Variants in PRKX observed in about 807,000 individuals in gnomAD.
The protein encoded by PRKX is protein kinase cAMP-dependent X-linked catalytic subunit, also known as cAMP-dependent protein kinase catalytic subunit PRKX.
Under a neutral mutation model 22.0 loss-of-function variants are expected in PRKX, and 12 were observed. That is an observed-to-expected ratio of 0.54 (90% CI 0.35 to 0.88). PRKX has a LOEUF of 0.88. Ranked by LOEUF, PRKX falls within the 40% of genes least tolerant of loss-of-function variation. The pLI is 0.01. For synonymous variants in PRKX, 134 were observed against 137.7 expected (o/e 0.97, Z 0.19); for missense variants, 217 against 308.0 (o/e 0.70, Z 2.21).
At chrX:3,634,740 G>C (rs1926852635) in intron 4 of PRKX, among the ~76,000 whole-genome samples, 1 of 111,715 alleles carries the variant, frequency 9.0e-6, no homozygotes, top group African/African-American at 3.3e-5. Flanking sequence ...ACCCAGGCTG[G>C]AGTGTAGTGA....
At chrX:3,628,308 G>A (rs1382052397) in intron 4 of PRKX, among the ~76,000 whole-genome samples, 2 of 110,956 alleles carry the variant, frequency 1.8e-5, no homozygotes, top group Non-Finnish European at 3.8e-5. Context: ...AAGCAGATAG[G>A]AGGAATATGT....
chrX:3,666,911 T>TAAA (rs35951668), intron 2 of PRKX, among the ~76,000 whole-genome samples: 23,180 of 65,026 alleles, frequency 0.36, 4,376 homozygotes, highest in Admixed American at 0.51. Flanking sequence ...TCATTTCTTT[T>TAAA]AAAAAAAAAA....
At chrX:3,680,130 C>CTGTTGTTGTTGT (rs34465309) in intron 1 of PRKX, among the ~76,000 whole-genome samples, 1,308 of 107,913 alleles carry the variant, frequency 0.012, 26 homozygotes, top group African/African-American at 0.043. Flanking sequence ...ACATCCTGGC[C>CTGTTGTTGTTGT]TGTTGTTGTT....
chrX:3,710,129 G>A (rs1016016741), intron 1 of PRKX, among the ~76,000 whole-genome samples: 1 of 110,399 alleles, frequency 9.1e-6, no homozygotes, highest in Admixed American at 9.8e-5. Flanking sequence ...CTCCATCATA[G>A]GAACAAGCAT....
intron 3 of PRKX, among the ~76,000 whole-genome samples, chrX:3,652,965 T>C (rs1163484533): frequency 9.0e-6 from 1 of 111,176 alleles, no homozygotes; most frequent in Non-Finnish European, 1.9e-5. Context: ...ATCTCAGACC[T>C]TAGCCTCCAT....
chrX:3,638,760 T>C (rs1926951728), intron 4 of PRKX, among the ~76,000 whole-genome samples: 1 of 109,531 alleles, frequency 9.1e-6, no homozygotes, highest in Non-Finnish European at 1.9e-5. Flanking sequence ...TACATAGATA[T>C]ATAGAAAAGC....
intron 3 of PRKX, among the ~76,000 whole-genome samples, chrX:3,649,801 AGAGGAAAG>A (rs1183368901): frequency 2.7e-5 from 1 of 37,259 alleles, no homozygotes; most frequent in African/African-American, 1.2e-4. Context: ...GAGGGGAGGG[AGAGGAAAG>A]GAGGGAGGGA....
chrX:3,679,816 C>T (rs1049519914), intron 1 of PRKX, among the ~76,000 whole-genome samples: 6 of 112,028 alleles, frequency 5.4e-5, no homozygotes, highest in African/African-American at 6.5e-5. Flanking sequence ...AAGGTGGGCA[C>T]GCCCTTTTTA....
intron 2 of PRKX, among the ~76,000 whole-genome samples, chrX:3,670,678 A>T (rs769359461): frequency 1.8e-5 from 2 of 110,085 alleles, no homozygotes; most frequent in Admixed American, 9.7e-5. Flanking sequence ...CCTGAGTAGC[A>T]GGGACTACAG....
chrX:3,705,845 A>G (rs778473683), intron 1 of PRKX, among the ~76,000 whole-genome samples: 1 of 103,458 alleles, frequency 9.7e-6, no homozygotes, highest in African/African-American at 3.6e-5. Flanking sequence ...CCGCCACCAC[A>G]CCCGGCTAAT....
chrX:3,639,758 G>T (rs1360335271), intron 4 of PRKX, among the ~76,000 whole-genome samples: 9 of 111,022 alleles, frequency 8.1e-5, no homozygotes, highest in African/African-American at 3.0e-4. Flanking sequence ...GGTAGTGCTT[G>T]TTCAACATCG....
intron 1 of PRKX, among the ~76,000 whole-genome samples, chrX:3,688,844 G>A (rs1203667315): frequency 9.3e-6 from 1 of 107,386 alleles, no homozygotes; most frequent in East Asian, 2.9e-4. Context: ...ATTCCAGCCT[G>A]GGCAAAAGAG....
At chrX:3,651,392 G>C (rs1603474054) in intron 3 of PRKX, among the ~76,000 whole-genome samples, 1 of 111,997 alleles carries the variant, frequency 8.9e-6, no homozygotes, top group African/African-American at 3.2e-5. Context: ...CTTTGAATTA[G>C]ACTTGCAAAT....
intron 7 of PRKX, among the ~76,000 whole-genome samples, chrX:3,613,406 AG>A (rs1926347306): frequency 9.1e-6 from 1 of 110,278 alleles, no homozygotes; most frequent in Admixed American, 9.9e-5. Context: ...GGTGGCTTGG[AG>A]GGGGTAAGAG....
chrX:3,679,827 T>C (rs1380793031), intron 1 of PRKX, among the ~76,000 whole-genome samples: 2 of 112,222 alleles, frequency 1.8e-5, no homozygotes, highest in East Asian at 5.6e-4. Flanking sequence ...GCCCTTTTTA[T>C]AGCAGGTGCA....
At chrX:3,704,950 C>T (rs1490083503) in intron 1 of PRKX, among the ~76,000 whole-genome samples, 2 of 111,472 alleles carry the variant, frequency 1.8e-5, no homozygotes, top group Admixed American at 1.9e-4. Context: ...ACTATATTTG[C>T]GGTCCTTCAT....
chrX:3,687,755 A>C (rs746473941), intron 1 of PRKX, among the ~76,000 whole-genome samples: 5 of 105,481 alleles, frequency 4.7e-5, no homozygotes, highest in Non-Finnish European at 7.9e-5. Context: ...AATTCTCCCT[A>C]AAATGCAGGA....
At chrX:3,655,638 T>C (rs1473387567) in intron 2 of PRKX, among the ~76,000 whole-genome samples, 3 of 112,595 alleles carry the variant, frequency 2.7e-5, no homozygotes, top group Non-Finnish European at 3.8e-5. Context: ...TGCACGTACA[T>C]ACAGATGTTA....
intron 1 of PRKX, among the ~76,000 whole-genome samples, chrX:3,702,988 C>T (rs1327688100): frequency 1.8e-5 from 2 of 109,173 alleles, no homozygotes; most frequent in Non-Finnish European, 3.8e-5. Flanking sequence ...GAGCCAAAGC[C>T]CAGCCGTATT....
Sources: allele counts gnomAD v4.1 joint callset (sites outside exome capture counted in the v4.1 genomes callset), GRCh38; gene constraint gnomAD v4.1.1; transcripts MANE v1.5; gene names NCBI Gene and HGNC (gene_info 2026-07-23, HGNC 2026-07-21).